Variants in COL17A1 observed in about 807,000 individuals in gnomAD.
COL17A1 encodes collagen alpha-1(XVII) chain.
A neutral mutation model predicts 218.4 loss-of-function variants in COL17A1; 181 were observed. The observed-to-expected ratio is 0.83, with a 90% CI of 0.73 to 0.94. The LOEUF (loss-of-function observed/expected upper bound fraction) is 0.94. Ranked by LOEUF, COL17A1 falls within the 40% of genes least tolerant of loss-of-function variation. COL17A1 has a pLI of 0.00. For synonymous variants in COL17A1, 721 were observed against 731.0 expected (o/e 0.99, Z 0.22); for missense variants, 1,924 against 1,945.9 (o/e 0.99, Z 0.21).
chr10:104,064,784 T>G (rs1046939840), intron 9 of COL17A1, among the ~76,000 whole-genome samples, 188 bp from the exon 10 acceptor site: 1 of 152,158 alleles, frequency 6.6e-6, no homozygotes, highest in African/African-American at 2.4e-5. Context: ...GAAATCATTA[T>G]CTCTTGGATT....
chr10:104,059,748 T>C (rs771999039), intron 14 of COL17A1, 30 bp from the exon 15 acceptor site: 4 of 1,604,056 alleles, frequency 2.5e-6, no homozygotes, highest in Non-Finnish European at 3.4e-6. Flanking sequence ...TAACCTGGCA[T>C]ATTCTCTTCT....
chr10:104,039,674 T>C, intron 41 of COL17A1, 34 bp from the exon 42 acceptor site: 1 of 1,613,904 alleles, frequency 6.2e-7, no homozygotes, highest in South Asian at 1.1e-5. Context: ...ACAGTCAGCC[T>C]CACTTTTCTC....
chr10:104,033,559 T>C (rs1326557163), intron 52 of COL17A1, among the ~76,000 whole-genome samples, 184 bp from the exon 53 acceptor site: 1 of 152,234 alleles, frequency 6.6e-6, no homozygotes, highest in Non-Finnish European at 1.5e-5. Flanking sequence ...CTCTTCCTGC[T>C]GTGGGCCGGC....
chr10:104,053,278 G>T, intron 22 of COL17A1, 143 bp from the exon 23 acceptor site: 2 of 896,144 alleles, frequency 2.2e-6, no homozygotes, highest in Non-Finnish European at 3.5e-6. Context: ...CATAGCCTTG[G>T]CTCAACCTGG....
chr10:104,076,064 A>G (rs2086707651), intron 5 of COL17A1, among the ~76,000 whole-genome samples: 1 of 152,272 alleles, frequency 6.6e-6, no homozygotes, highest in African/African-American at 2.4e-5. Flanking sequence ...AACGCATAGC[A>G]GGTACTGGAT....
intron 16 of COL17A1, 50 bp downstream of exon 16, chr10:104,058,096 A>AT (rs1564680363): frequency 6.2e-7 from 1 of 1,612,374 alleles, no homozygotes; most frequent in Admixed American, 1.7e-5. Flanking sequence ...CATTAGCCAT[A>AT]AGCAGCCCCA....
At chr10:104,053,221 G>A in intron 22 of COL17A1, 86 bp from the exon 23 acceptor site, 1 of 1,489,186 alleles carries the variant, frequency 6.7e-7, no homozygotes, top group Non-Finnish European at 9.2e-7. Flanking sequence ...GCAGACGCTT[G>A]CCTGGAGCCC....
intron 5 of COL17A1, 77 bp downstream of exon 5, chr10:104,076,224 C>T: frequency 6.2e-7 from 1 of 1,608,110 alleles, no homozygotes; most frequent in Non-Finnish European, 8.5e-7. Flanking sequence ...AGGTGGCCAG[C>T]ATGTAAATCT....
In COL17A1 at chr10:104,043,834, CGATCTTGCCT is replaced by C; in HGVS notation, c.2415_2424del (p.Gly806Ter). 1 of 1,614,124 alleles carries C rather than the reference CGATCTTGCCT, an allele frequency of 6.2e-7. No homozygotes were observed. Among genetic ancestry groups the C allele is most frequent in the Non-Finnish European group, 8.5e-7 (1 of 1,180,020 alleles). On this transcript the variant is annotated frameshift_variant, in exon 34 of 56. Transcript: ENST00000648076. LOFTEE classifies it high-confidence loss of function. ...TCTAGGACCTGCCTACCCGAAGTCA[CGATCTTGCCT>C]GGAGCTCCTGGTTCACCTAGGAAGA...
At chr10:104,042,351 T>C (rs2086368456) in intron 36 of COL17A1, 69 bp downstream of exon 36, 1 of 1,524,362 alleles carries the variant, frequency 6.6e-7, no homozygotes, top group African/African-American at 1.4e-5. Flanking sequence ...GAGAGGCCCA[T>C]GTCCACCCTG....
At position 104,043,602 on chromosome 10, in the gene COL17A1, G is replaced by A. The variant is rs752332421; in HGVS notation, c.2435-21C>T. On this transcript the variant is annotated intron_variant, in intron 34 of 55. Coordinates refer to ENST00000648076, the MANE Select transcript of COL17A1 (RefSeq NM_000494.4). ...CCCCTCTGAAAACAGAAGGCACATGGAACATTGAGCCCTACTTTTCTCACT... is the reference window on the plus strand; with the variant it reads ...CCCCTCTGAAAACAGAAGGCACATGAAACATTGAGCCCTACTTTTCTCACT... The A allele has an allele frequency of 7.4e-6, 12 of 1,613,098 alleles. No individual in the cohort carries two copies. The South Asian group carries it at 1.2e-4, about 16-fold the overall frequency.
chr10:104,067,013 T>C (rs2086631811), intron 9 of COL17A1, among the ~76,000 whole-genome samples: 1 of 152,198 alleles, frequency 6.6e-6, no homozygotes, highest in African/African-American at 2.4e-5. Context: ...ATTTTTGTAC[T>C]TGGGCTAAGA....
chr10:104,066,596 A>G (rs143075542), intron 9 of COL17A1, among the ~76,000 whole-genome samples: 314 of 152,314 alleles, frequency 2.1e-3, no homozygotes, highest in African/African-American at 7.2e-3. Context: ...AGCATAGTAA[A>G]AAGCCCTCAC....
chr10:104,055,481 C>CACACACACACACACAA lies in COL17A1; in HGVS notation c.1688-81_1688-80insTTGTGTGTGTGTGTGT, dbSNP rs1277327700. The stretch of plus-strand genomic sequence containing the variant: ...ACACACACACACACACACACACACA[C>CACACACACACACACAA]AATAAGGGGATCATGGTATGGGAAG... On this transcript the variant is annotated intron_variant, in intron 18 of 55. Transcript: ENST00000648076. 1.3e-5 allele frequency: 20 copies of CACACACACACACACAA among 1,498,036 alleles called. No individual in the cohort carries two copies. In the African/African-American group the frequency reaches 2.3e-4, roughly 17 times the overall value. The allele number at this position is 1,498,036 out of a possible 1,614,324, so 92.8% of individuals were successfully genotyped here.
In COL17A1 at chr10:104,036,625, G is replaced by A. The variant is rs776906909; in HGVS notation, c.3285C>T (p.Asp1095=). 5 of 1,613,664 alleles carry A rather than the reference G, an allele frequency of 3.1e-6. No individual in the cohort carries two copies. Among genetic ancestry groups the A allele is most frequent in the Admixed American group, 1.7e-5 (1 of 59,970 alleles). The part of the protein sequence containing the change: ...EDILAVLQRD[D]VRQYLRQYLM... The stretch of plus-strand genomic sequence containing the variant: ...AGTACTGACGTAGGTACTGACGCAC[G>A]TCATCCCCTGGAGAGGAGAGGATGC... Residue 1095 remains aspartate (D), a synonymous_variant, in exon 48 of 56, where the codon GAC becomes GAT. Coordinates refer to ENST00000648076, the MANE Select transcript of COL17A1 (RefSeq NM_000494.4).
rs1478166884 is a variant in COL17A1 at position 104,047,968 on chromosome 10, C to CTA, written c.2263+99_2263+100dup. 4.1e-6 allele frequency: 6 copies of CTA among 1,456,750 alleles called. No individual in the cohort carries two copies. The Admixed American group carries it at 5.0e-5, about 12-fold the overall frequency. The allele number at this position is 1,456,750 out of a possible 1,614,324, so 90.2% of individuals were successfully genotyped here. On this transcript the variant is annotated intron_variant, in intron 30 of 55. Transcript: ENST00000648076. ...ACTGGACACTGCACACTTCCACATG[C>CTA]TATATGCTCCTCTGCACTATGGTTA...
In COL17A1 at chr10:104,077,285, A is replaced by G. The variant is rs1441627899; in HGVS notation, c.202+137T>C. ...TAACTCTCAGGGGGATTTGGAATGG[A>G]TGACAGGTGATTGTAATTGTCCCTT... On this transcript the variant is annotated intron_variant, in intron 4 of 55. Coordinates refer to ENST00000648076, the MANE Select transcript of COL17A1 (RefSeq NM_000494.4). The G allele has an allele frequency of 5.4e-6, 4 of 740,460 alleles. No individual in the cohort carries two copies. In the African/African-American group the frequency reaches 6.9e-5, roughly 13 times the overall value. 45.9% of individuals were successfully genotyped at this position (740,460 alleles called of 1,614,324 possible). A position where few individuals can be genotyped will look rare whatever the true frequency, so the allele number is the denominator to read the frequency against.
Position 104,085,648 on chromosome 10 carries a change from T to C in COL17A1, c.-12+75A>G, listed in dbSNP as rs192096823. ...TTCATCTTCTTTTCTCCAATAAACATTTAATTTCTAAATGGCAAACCTTAA... is the reference window on the plus strand; with the variant it reads ...TTCATCTTCTTTTCTCCAATAAACACTTAATTTCTAAATGGCAAACCTTAA... On this transcript the variant is annotated intron_variant, in intron 1 of 55. Transcript: ENST00000648076. The C allele has an allele frequency of 1.1e-3, 171 of 152,776 alleles. 1 individual carries two copies. Among genetic ancestry groups the C allele is most frequent in the Non-Finnish European group, 3.4e-4 (23 of 68,038 alleles). 9.5% of individuals were successfully genotyped at this position (152,776 alleles called of 1,614,324 possible).
At chr10:104,057,914 G>T (rs1201888590) in intron 16 of COL17A1, among the ~76,000 whole-genome samples, 2 of 152,094 alleles carry the variant, frequency 1.3e-5, no homozygotes, top group Admixed American at 1.3e-4. Context: ...GGGGCGGGGG[G>T]CCTGTTAGCT....
Sources: allele counts gnomAD v4.1 joint callset (sites outside exome capture counted in the v4.1 genomes callset), GRCh38; gene constraint gnomAD v4.1.1; transcripts MANE v1.5; gene names NCBI Gene and HGNC (gene_info 2026-07-23, HGNC 2026-07-21).